The following JAKMIP3 variants were observed in gnomAD, a reference collection of about 807,000 sequenced individuals.
JAKMIP3 encodes janus kinase and microtubule-interacting protein 3.
Under a neutral mutation model 118.5 loss-of-function variants are expected in JAKMIP3, and 58 were observed. The observed-to-expected ratio is 0.49, with a 90% CI of 0.40 to 0.61. JAKMIP3 has a LOEUF of 0.61. JAKMIP3 is among the 20% of genes least tolerant of loss of function. The pLI, the probability that JAKMIP3 is intolerant of heterozygous loss-of-function variation, is 0.00. For missense variants in JAKMIP3, 950 were observed against 1,109.0 expected, an observed-to-expected ratio of 0.86 and a Z score of 2.04; for synonymous variants, 486 against 451.2, an observed-to-expected ratio of 1.08 and a Z score of -0.98.
chr10:132,153,794 G>A lies in JAKMIP3; in HGVS notation c.2109G>A (p.Leu703=). 1 of 1,613,078 alleles carries A rather than the reference G, an allele frequency of 6.2e-7. No individual in the cohort carries two copies. Residue 703 remains leucine, a synonymous_variant, in exon 18 of 24, where the codon CTG becomes CTA. Coordinates refer to ENST00000684848, the MANE Select transcript of JAKMIP3 (RefSeq NM_001323087.2). ...LQQIEETEAA[L]QRKMVDLESE... is the part of the protein sequence containing the mutation. ...AGATTGAGGAGACAGAGGCGGCGCT[G>A]CAGCGGAAGATGGTGGATCTGGAGA...
At chr10:132,078,621 G>T (rs1170375772) in intron 1 of JAKMIP3, among the ~76,000 whole-genome samples, 1 of 7,362 alleles carries the variant, frequency 1.4e-4, no homozygotes, top group Non-Finnish European at 1.9e-4. Flanking sequence ...TCTGGGGGCG[G>T]GGGGGGGGGG....
At chr10:132,135,187 C>T (rs1157920276) in intron 5 of JAKMIP3, 27 bp downstream of exon 5, 1 of 1,578,678 alleles carries the variant, frequency 6.3e-7, no homozygotes, top group South Asian at 1.1e-5. Flanking sequence ...GCTTCTGGCT[C>T]CTGGGGGTTT....
In JAKMIP3 at chr10:132,118,436, C is replaced by A. The variant is rs537835838; in HGVS notation, c.633+862C>A. On this transcript the variant is annotated intron_variant, in intron 3 of 23. Transcript: ENST00000684848. This position sits in a 1 kb window ranked among gnomAD's most constrained non-coding sequence, Gnocchi z 4.8. ...CCCAGCCCTGTGCCTCTTCAGGACC[C>A]GGAGCCCCGGGCACCTTGGGTGGGA... Among the ~76,000 whole-genome samples the A allele has an allele frequency of 1.8e-4, 28 of 152,142 alleles. No individual in the cohort carries two copies. The highest frequency in any genetic ancestry group is 6.5e-4 in the African/African-American group (27 of 41,426).
chr10:132,171,803 C>T (rs1442943050), intron 23 of JAKMIP3, among the ~76,000 whole-genome samples: 1 of 151,972 alleles, frequency 6.6e-6, no homozygotes, highest in Non-Finnish European at 1.5e-5. Flanking sequence ...TACAGGCAGG[C>T]ACCACCACAC....
At chr10:132,130,466 G>A (rs1344788923) in intron 3 of JAKMIP3, among the ~76,000 whole-genome samples, 1 of 152,276 alleles carries the variant, frequency 6.6e-6, no homozygotes, top group Non-Finnish European at 1.5e-5. Flanking sequence ...AGTTGATGCG[G>A]AGGGAGGGCC....
intron 8 of JAKMIP3, among the ~76,000 whole-genome samples, 188 bp downstream of exon 8, chr10:132,137,477 G>A (rs1360705114): frequency 2.0e-5 from 3 of 152,180 alleles, no homozygotes; most frequent in Non-Finnish European, 1.5e-5. Context: ...CTTCAGTGTG[G>A]GTCAGAGAGG....
At chr10:132,052,996 G>A (rs1430674656) in intron 1 of JAKMIP3, among the ~76,000 whole-genome samples, 4 of 152,154 alleles carry the variant, frequency 2.6e-5, no homozygotes, top group Admixed American at 2.0e-4. Flanking sequence ...TTTGTATCCT[G>A]GCTGTTTCTC....
At chr10:132,141,630 C>T (rs1354444239) in intron 10 of JAKMIP3, among the ~76,000 whole-genome samples, 2 of 152,090 alleles carry the variant, frequency 1.3e-5, no homozygotes, top group East Asian at 3.9e-4. Flanking sequence ...GCCATGGCCA[C>T]CAGCCCAGCA....
intron 1 of JAKMIP3, among the ~76,000 whole-genome samples, chr10:132,071,738 C>A (rs1270472167): frequency 2.0e-5 from 3 of 152,072 alleles, no homozygotes; most frequent in Admixed American, 2.0e-4. Flanking sequence ...TATTTTTAAC[C>A]TGTCTATGCC....
At position 132,114,302 on chromosome 10, in the gene JAKMIP3, AC is replaced by A. The variant is rs961323064; in HGVS notation, c.136-2769del. Among the ~76,000 whole-genome samples the A allele has an allele frequency of 4.6e-5, 7 of 152,076 alleles. No individual in the cohort carries two copies. In the South Asian group the frequency reaches 1.0e-3, roughly 23 times the overall value. Reference sequence around the variant, plus strand: ...GCGATCACAGCTCACTGCAGCCTCTACCCCCCGGCTCAAGCAATCCTCCCAC... The same window carrying A: ...GCGATCACAGCTCACTGCAGCCTCTACCCCCGGCTCAAGCAATCCTCCCAC... On this transcript the variant is annotated intron_variant, in intron 2 of 23. Coordinates refer to ENST00000684848, the MANE Select transcript of JAKMIP3 (RefSeq NM_001323087.2).
At chr10:132,041,516 G>T (rs533454032) in intron 1 of JAKMIP3, among the ~76,000 whole-genome samples, 1 of 152,348 alleles carries the variant, frequency 6.6e-6, no homozygotes, top group East Asian at 1.9e-4. Flanking sequence ...CCTCTGCCGC[G>T]TGTCCCCACG....
At position 132,179,197 on chromosome 10, in the gene JAKMIP3, A is replaced by G. The variant is rs917273255; in HGVS notation, c.*1104-3160A>G. Among the ~76,000 whole-genome samples the G allele has an allele frequency of 1.3e-5, 2 of 152,150 alleles. No homozygotes were observed. Among genetic ancestry groups the G allele is most frequent in the Non-Finnish European group, 2.9e-5 (2 of 68,020 alleles). ...CATCAGCTATCCTCGTTGCAGCCCA[A>G]GATAAAATTACCCAGGCTTTCCCCT... On this transcript the variant is annotated intron_variant, in intron 23 of 23. Transcript: ENST00000684848. The surrounding 1 kb of genome is among the most constrained non-coding windows in gnomAD (Gnocchi z 4.3).
intron 2 of JAKMIP3, among the ~76,000 whole-genome samples, chr10:132,114,777 A>G (rs1014836473): frequency 2.0e-5 from 3 of 152,202 alleles, no homozygotes; most frequent in African/African-American, 7.2e-5. Context: ...AATTTCTGTC[A>G]GTAACACCTA....
chr10:132,048,726 T>A (rs2038009268), intron 1 of JAKMIP3, among the ~76,000 whole-genome samples: 2 of 141,732 alleles, frequency 1.4e-5, no homozygotes, highest in East Asian at 2.4e-4. Context: ...GTGCTCCGCC[T>A]CCCGGGTTCA....
chr10:132,064,148 C>T (rs1388943083), upstream of JAKMIP3, among the ~76,000 whole-genome samples: 1 of 152,164 alleles, frequency 6.6e-6, no homozygotes, highest in African/African-American at 2.4e-5. This position sits in a 1 kb window ranked among gnomAD's most constrained non-coding sequence, Gnocchi z 4.4. Flanking sequence ...CTCTGTTGGA[C>T]GTCTAGGATG....
At chr10:132,144,737 TG>T in intron 11 of JAKMIP3, 1 of 185,366 alleles carries the variant, frequency 5.4e-6, no homozygotes, top group Non-Finnish European at 1.1e-5. Context: ...GATACCAGCC[TG>T]GGCAACATGG....
intron 1 of JAKMIP3, among the ~76,000 whole-genome samples, chr10:132,053,110 G>T (rs564311365): frequency 2.6e-4 from 40 of 152,282 alleles, no homozygotes; most frequent in African/African-American, 7.5e-4. Flanking sequence ...CCCAGAGAGG[G>T]TCACAGTTGC....
rs576797021 is a variant in JAKMIP3, at chr10:132,089,853, A to C, written c.-137-14819A>C. Among the ~76,000 whole-genome samples, 745 of 152,304 alleles carry C rather than the reference A, an allele frequency of 4.9e-3. 8 individuals carry two copies. Among genetic ancestry groups the C allele is most frequent in the African/African-American group, 0.017 (711 of 41,562 alleles). ...TGATATTGTCTGTGGGTTTGTCATA[A>C]ATAGCTCTTATTATTTTGAGATATG... On this transcript the variant is annotated intron_variant, in intron 1 of 23. Coordinates refer to ENST00000684848, the MANE Select transcript of JAKMIP3 (RefSeq NM_001323087.2).
At position 132,145,533 on chromosome 10, in the gene JAKMIP3, G is replaced by A; in HGVS notation, c.1702G>A (p.Glu568Lys). 6.4e-7 allele frequency: 1 copy of A among 1,561,990 alleles called. No homozygotes were observed. The highest frequency in any genetic ancestry group is 8.7e-7 in the Non-Finnish European group (1 of 1,152,910). Residue 568 changes from glutamate (E) to lysine (K), a missense_variant, in exon 13 of 24, where the codon GAA becomes AAA. Coordinates refer to ENST00000684848, the MANE Select transcript of JAKMIP3 (RefSeq NM_001323087.2). ...CATTTGCAAGGATATGAAGTGGATTGAAGAGAAGCAGGCACTGTACCGGAG... is the reference window on the plus strand; with the variant it reads ...CATTTGCAAGGATATGAAGTGGATTAAAGAGAAGCAGGCACTGTACCGGAG... ...AEQGQDMKWI[E>K]EKQALYRRNQ...
Sources: gnomAD v4.1 joint callset for allele counts (sites outside exome capture counted in the v4.1 genomes callset) on GRCh38, gnomAD v4.1.1 for gene constraint, Gnocchi (gnomAD v3.1) non-coding constraint, MANE v1.5 for transcripts, NCBI Gene and HGNC (gene_info 2026-07-23, HGNC 2026-07-21) for gene names.